Variants in CYP11B1 observed in about 807,000 individuals in gnomAD.
CYP11B1 encodes cytochrome P450 11B1, mitochondrial.
In CYP11B1, 34 loss-of-function variants were observed where a neutral mutation model predicts 48.3. The observed-to-expected ratio is 0.70, with a 90% confidence interval of 0.54 to 0.94. CYP11B1 has a LOEUF of 0.94. CYP11B1 is among the 40% of genes least tolerant of loss of function. The pLI, the probability that CYP11B1 is intolerant of heterozygous loss-of-function variation, is 0.00. For synonymous variants in CYP11B1, 291 were observed against 262.5 expected (o/e 1.11, Z -1.05); for missense variants, 688 against 657.4 (o/e 1.05, Z -0.51).
rs1234387016 is a variant in CYP11B1 at position 142,875,863 on chromosome 8, G to A, written c.970C>T (p.Leu324=). 6.2e-7 allele frequency: 1 copy of A among 1,614,168 alleles called. No homozygotes were observed. Among genetic ancestry groups the A allele is most frequent in the South Asian group, 1.1e-5 (1 of 91,082 alleles). ...CGAGCCAGCTCAAAGAGCGTCATCA[G>A]CAAGGGAAACACCGTCTGCAGGAGA... ...GSVDTTVFPL[L]MTLFELARNP... is the part of the protein sequence containing the mutation. The change falls in exon 6 of 9, where the codon CTG becomes TTG. Residue 324 remains leucine, a synonymous_variant. Coordinates refer to ENST00000292427, the MANE Select transcript of CYP11B1 (RefSeq NM_000497.4).
intron 2 of CYP11B1, among the ~76,000 whole-genome samples, chr8:142,878,062 ATG>A (rs1483010150): frequency 1.9e-4 from 5 of 26,840 alleles, no homozygotes; most frequent in Admixed American, 1.5e-3. Context: ...ACACAGACAC[ATG>A]TGCACACACG....
chr8:142,875,435 A>G lies in CYP11B1; in HGVS notation c.1122-123T>C. On this transcript the variant is annotated intron_variant, in intron 6 of 8. Coordinates refer to ENST00000292427, the MANE Select transcript of CYP11B1 (RefSeq NM_000497.4). Reference sequence around the variant, plus strand: ...TCCATGGGAAGCCCAGGTCGTAGGAAGTGCTTCCTTGCACCTGCTGAGCCC... The same window carrying G: ...TCCATGGGAAGCCCAGGTCGTAGGAGGTGCTTCCTTGCACCTGCTGAGCCC... 5 of 1,317,408 alleles carry G rather than the reference A, an allele frequency of 3.8e-6. No homozygotes were observed. In the South Asian group the frequency reaches 5.1e-5, roughly 13 times the overall value. 81.6% of individuals were successfully genotyped at this position (1,317,408 alleles called of 1,614,324 possible).
chr8:142,874,500 C>T lies in CYP11B1; in HGVS notation c.1399-14G>A, dbSNP rs5295. 2.5e-6 allele frequency: 4 copies of T among 1,588,404 alleles called. No individual in the cohort carries two copies. Among genetic ancestry groups the T allele is most frequent in the East Asian group, 2.2e-5 (1 of 44,730 alleles). ...GTGTTTCAGCACCTAGGACAGAAGC[C>T]GGGTTTCCATCTGGCTTGGTCCGCA... On this transcript the variant is annotated splice_polypyrimidine_tract_variant and intron_variant, in intron 8 of 8. Coordinates refer to ENST00000292427, the MANE Select transcript of CYP11B1 (RefSeq NM_000497.4).
rs375892072 is a variant in CYP11B1 at position 142,876,305 on chromosome 8, G to A, written c.890C>T (p.Ala297Val). The A allele has an allele frequency of 4.3e-5, 70 of 1,614,104 alleles. No individual in the cohort carries two copies. Among genetic ancestry groups the A allele is most frequent in the Non-Finnish European group, 5.2e-5 (61 of 1,180,042 alleles). The change falls in exon 5 of 9, where the codon GCG (alanine) becomes GTG (valine). Residue 297 changes from alanine to valine, a missense_variant. Ala to Val is a moderately conservative substitution (Grantham distance 64). Coordinates refer to ENST00000292427, the MANE Select transcript of CYP11B1 (RefSeq NM_000497.4). Reference sequence around the variant, plus strand: ...CTTGATGGCATCTGGCGACAGTTCCGCATTCAACAGGAGCTCCGCCACGAT... The same window carrying A: ...CTTGATGGCATCTGGCGACAGTTCCACATTCAACAGGAGCTCCGCCACGAT... ...TSIVAELLLN[A>V]ELSPDAIKAN...
At position 142,874,017 on chromosome 8, in the gene CYP11B1, T is replaced by C; in HGVS notation, c.*356A>G. 2.7e-6 allele frequency: 1 copy of C among 375,014 alleles called. No homozygotes were observed. Among genetic ancestry groups the C allele is most frequent in the South Asian group, 2.4e-5 (1 of 41,850 alleles). The allele number at this position is 375,014 out of a possible 1,614,324, so 23.2% of individuals were successfully genotyped here. On this transcript the variant is annotated 3_prime_UTR_variant, in exon 9 of 9. Transcript: ENST00000292427. ...GAAGAGGAACAGGGACATGTGAGAC[T>C]AGGCAGGAAGGCAAGGGACAAAACC... is the stretch of plus-strand genomic sequence containing the variant.
intron 2 of CYP11B1, among the ~76,000 whole-genome samples, 164 bp downstream of exon 2, chr8:142,878,868 G>A (rs894908967): frequency 2.0e-5 from 3 of 152,118 alleles, no homozygotes; most frequent in African/African-American, 7.2e-5. Context: ...CCAACCCACA[G>A]GGCAGACACG....
At position 142,879,104 on chromosome 8, in the gene CYP11B1, G is replaced by A; in HGVS notation, c.323C>T (p.Pro108Leu). The change falls in exon 2 of 9, where the codon CCC (proline) becomes CTC (leucine). Residue 108 changes from proline (P) to leucine (L), a missense_variant. Coordinates refer to ENST00000292427, the MANE Select transcript of CYP11B1 (RefSeq NM_000497.4). ...EKLQQVDSLH[P>L]HRMSLEPWVA... ...CCAGGGCTCCAGGCTCATCCTGTGGGGATGCAGGCTGTCCACCTGTTGCAG... is the reference window on the plus strand; with the variant it reads ...CCAGGGCTCCAGGCTCATCCTGTGGAGATGCAGGCTGTCCACCTGTTGCAG... 6.2e-7 allele frequency: 1 copy of A among 1,614,010 alleles called. No homozygotes were observed. The highest frequency in any genetic ancestry group is 8.5e-7 in the Non-Finnish European group (1 of 1,179,878).
At position 142,875,756 on chromosome 8, in the gene CYP11B1, G is replaced by T. The variant is rs770165051; in HGVS notation, c.1077C>A (p.Thr359=). The T allele has an allele frequency of 6.2e-7, 1 of 1,614,132 alleles. No homozygotes were observed. Among genetic ancestry groups the T allele is most frequent in the Non-Finnish European group, 8.5e-7 (1 of 1,180,026 alleles). Reference sequence around the variant, plus strand: ...CCGCACGCAGCAAGGGCAGCTCGGTGGTTGCCTTCTGGGGATGTTCACTGA... The same window carrying T: ...CCGCACGCAGCAAGGGCAGCTCGGTTGTTGCCTTCTGGGGATGTTCACTGA... ...ASISEHPQKA[T]TELPLLRAAL... The change falls in exon 6 of 9, where the codon ACC becomes ACA. Residue 359 remains threonine, a synonymous_variant. Transcript: ENST00000292427.
chr8:142,874,892 T>G, intron 8 of CYP11B1, 65 bp downstream of exon 8: 1 of 1,592,978 alleles, frequency 6.3e-7, no homozygotes, highest in Non-Finnish European at 8.6e-7. Context: ...AGTCCCACAT[T>G]GCTCAAGCCC....
chr8:142,879,025 C>T lies in CYP11B1; in HGVS notation c.395+7G>A, dbSNP rs369926988. 58 of 1,614,078 alleles carry T rather than the reference C, an allele frequency of 3.6e-5. No individual in the cohort carries two copies. The highest frequency in any genetic ancestry group is 2.8e-4 in the African/African-American group (21 of 75,020). On this transcript the variant is annotated splice_region_variant and intron_variant, in intron 2 of 8. Coordinates refer to ENST00000292427, the MANE Select transcript of CYP11B1 (RefSeq NM_000497.4). ...ACCCTGCTCCCAGCTCTCAGCTCGC[C>T]GCTTACAGCAAGAACACGCCACATT...
chr8:142,874,536 G>C (rs776678735), intron 8 of CYP11B1, 50 bp from the exon 9 acceptor site: 5 of 1,268,596 alleles, frequency 3.9e-6, no homozygotes, highest in Non-Finnish European at 4.6e-6. Context: ...GCCCATGCAC[G>C]TGGTGCAGCC....
intron 5 of CYP11B1, 49 bp from the exon 6 acceptor site, chr8:142,875,927 C>T: frequency 1.2e-6 from 2 of 1,609,428 alleles, no homozygotes; most frequent in Non-Finnish European, 1.7e-6. Context: ...GAGGACTCAG[C>T]CCCCGGGACA....
At position 142,876,305 on chromosome 8, in the gene CYP11B1, G is replaced by C; in HGVS notation, c.890C>G (p.Ala297Gly). 1 of 1,614,220 alleles carries C rather than the reference G, an allele frequency of 6.2e-7. No homozygotes were observed. The highest frequency in any genetic ancestry group is 8.5e-7 in the Non-Finnish European group (1 of 1,180,034). Residue 297 changes from alanine (A) to glycine (G), a missense_variant, in exon 5 of 9, where the codon GCG becomes GGG. Transcript: ENST00000292427. ...TSIVAELLLN[A>G]ELSPDAIKAN... ...CTTGATGGCATCTGGCGACAGTTCC[G>C]CATTCAACAGGAGCTCCGCCACGAT...
intron 5 of CYP11B1, 59 bp downstream of exon 5, chr8:142,876,182 G>C: frequency 6.2e-7 from 1 of 1,610,856 alleles, no homozygotes; most frequent in Non-Finnish European, 8.5e-7. Flanking sequence ...TTGGCAGGCA[G>C]TGCCTGGGAG....
rs1586556883 is a variant in CYP11B1 at position 142,874,868 on chromosome 8, A to G, written c.1398+89T>C. On this transcript the variant is annotated intron_variant, in intron 8 of 8. Transcript: ENST00000292427. ...TCCAGGAAACATGCAGGCCACTCCC[A>G]CTCTGCCGAGGCCAGTCCCACATTG... 6 of 1,507,762 alleles carry G rather than the reference A, an allele frequency of 4.0e-6. No individual in the cohort carries two copies. In the East Asian group the frequency reaches 1.4e-4, roughly 35 times the overall value. The allele number at this position is 1,507,762 out of a possible 1,614,324, so 93.4% of individuals were successfully genotyped here. A position where few individuals can be genotyped will look rare whatever the true frequency, so the allele number is the denominator to read the frequency against.
In CYP11B1 at chr8:142,876,232, C is replaced by G. The variant is rs6411; in HGVS notation, c.954+9G>C. 3.3e-5 allele frequency: 53 copies of G among 1,613,814 alleles called. No homozygotes were observed. The highest frequency in any genetic ancestry group is 4.3e-5 in the Non-Finnish European group (51 of 1,180,028). On this transcript the variant is annotated intron_variant, in intron 5 of 8. Coordinates refer to ENST00000292427, the MANE Select transcript of CYP11B1 (RefSeq NM_000497.4). ...ACCCTCTCTGGGTGGGGCTGGTTGC[C>G]GGCCTGACCGTGTCCACGCTCCCTG...
Position 142,875,142 on chromosome 8 carries a change from C to T in CYP11B1, c.1213G>A (p.Val405Met), listed in dbSNP as rs564754333. ...TTGCGACCCAGAGAGTAGAGGAACA[C>T]GCGCACCAATGTCTGCGGACGGTGC... ...YHIPAGTLVR[V>M]FLYSLGRNPA... Residue 405 changes from valine (V) to methionine (M), a missense_variant, in exon 8 of 9, where the codon GTG (valine) becomes ATG (methionine). Coordinates refer to ENST00000292427, the MANE Select transcript of CYP11B1 (RefSeq NM_000497.4). The T allele has an allele frequency of 1.4e-5, 23 of 1,614,160 alleles. No homozygotes were observed. The highest frequency in any genetic ancestry group is 1.9e-5 in the Non-Finnish European group (23 of 1,180,056).
At chr8:142,874,872 T>C in intron 8 of CYP11B1, 85 bp downstream of exon 8, 1 of 1,529,304 alleles carries the variant, frequency 6.5e-7, no homozygotes, top group Admixed American at 1.8e-5. Context: ...ACTCCCACTC[T>C]GCCGAGGCCA....
Position 142,874,437 on chromosome 8 carries a change from A to G in CYP11B1, c.1448T>C (p.Met483Thr). The G allele has an allele frequency of 6.2e-7, 1 of 1,614,056 alleles. No homozygotes were observed. Among genetic ancestry groups the G allele is most frequent in the Non-Finnish European group, 8.5e-7 (1 of 1,179,950 alleles). The change falls in exon 9 of 9, where the codon ATG (methionine) becomes ACG (threonine). Residue 483 changes from methionine (M) to threonine (T), a missense_variant. Physicochemically the swap from Met to Thr is moderately conservative, Grantham distance 81. Coordinates refer to ENST00000292427, the MANE Select transcript of CYP11B1 (RefSeq NM_000497.4). ...GGGCCTCAATATGAAGCTGTAGACCATCTTTATGTCCTCTTGGGTTAGTGT... is the reference window on the plus strand; with the variant it reads ...GGGCCTCAATATGAAGCTGTAGACCGTCTTTATGTCCTCTTGGGTTAGTGT... ...VETLTQEDIK[M>T]VYSFILRPSM...
Sources: gnomAD v4.1 joint callset for allele counts (sites outside exome capture counted in the v4.1 genomes callset) on GRCh38, gnomAD v4.1.1 for gene constraint, MANE v1.5 for transcripts, NCBI Gene and HGNC (gene_info 2026-07-23, HGNC 2026-07-21) for gene names.